KATNAL2: variants seen among roughly 807,000 people sequenced by gnomAD.
The protein encoded by KATNAL2 is katanin p60 ATPase-containing subunit A-like 2.
In KATNAL2, 52 loss-of-function variants were observed where a neutral mutation model predicts 76.3. The ratio of observed to expected loss-of-function variants is 0.68; its 90% CI spans 0.55 to 0.86. The LOEUF (loss-of-function observed/expected upper bound fraction) is 0.86. Among genes scored for constraint, KATNAL2 ranks in the 40% least tolerant of loss-of-function variants. The pLI, the probability that KATNAL2 is intolerant of heterozygous loss-of-function variation, is 0.00. For missense variants in KATNAL2, 660 were observed against 668.9 expected, an observed-to-expected ratio of 0.99 and a Z score of 0.15; for synonymous variants, 243 against 244.2, an observed-to-expected ratio of 1.00 and a Z score of 0.05.
At chr18:47,070,606 A>C (rs1234568200) in intron 13 of KATNAL2, among the ~76,000 whole-genome samples, 1 of 152,224 alleles carries the variant, frequency 6.6e-6, no homozygotes, top group African/African-American at 2.4e-5. Flanking sequence ...AATCAATATA[A>C]GTGAATATAA....
At chr18:47,042,499 A>G (rs560871777) in intron 3 of KATNAL2, among the ~76,000 whole-genome samples, 1 of 152,386 alleles carries the variant, frequency 6.6e-6, no homozygotes, top group Admixed American at 6.5e-5. Context: ...AATATTGAGC[A>G]TAACTGAACC....
intron 4 of KATNAL2, among the ~76,000 whole-genome samples, chr18:47,049,963 T>C (rs553846507): frequency 1.9e-4 from 29 of 152,314 alleles, no homozygotes; most frequent in Middle Eastern, 3.4e-3. Context: ...GAACTTGTGG[T>C]CTCATGCAAT....
intron 15 of KATNAL2, chr18:47,091,062 A>C (rs1407003050): frequency 6.6e-6 from 1 of 152,232 alleles, no homozygotes; most frequent in Non-Finnish European, 1.5e-5. Flanking sequence ...TTAACTAGTG[A>C]AGGAATAAAC....
At chr18:47,033,178 T>G in intron 3 of KATNAL2, 2 of 1,614,056 alleles carry the variant, frequency 1.2e-6, no homozygotes, top group Non-Finnish European at 1.7e-6. Context: ...GCTGCTGCTG[T>G]CTCTGCCACC....
intron 15 of KATNAL2, among the ~76,000 whole-genome samples, chr18:47,086,312 CTTTT>C (rs530430116): frequency 1.3e-5 from 2 of 151,290 alleles, no homozygotes; most frequent in Non-Finnish European, 3.0e-5. Context: ...TGCCTGTAGG[CTTTT>C]TTTTTATTTG....
In KATNAL2 at chr18:47,058,278, C is replaced by T. The variant is rs767629580; in HGVS notation, c.376C>T (p.Gln126Ter). Residue 126 changes from glutamine (Q) to a stop codon, truncating the protein, a stop_gained, in exon 7 of 18, where the codon CAG becomes TAG. Transcript: ENST00000683218. LOFTEE classifies it high-confidence loss of function. Reference protein sequence around the residue: ...SCQNLPKINQQRPRSKTTAGK... With the variant: ...SCQNLPKINQ ...TCAAAATCTTCCCAAGATCAATCAGCAGAGGCCCCGGTCCAAAACCACAGC... is the reference window on the plus strand; with the variant it reads ...TCAAAATCTTCCCAAGATCAATCAGTAGAGGCCCCGGTCCAAAACCACAGC... 6.8e-6 allele frequency: 11 copies of T among 1,613,954 alleles called. No individual in the cohort carries two copies. In the Admixed American group the frequency reaches 1.3e-4, roughly 20 times the overall value.
chr18:47,052,788 T>C, intron 4 of KATNAL2, 92 bp from the exon 5 acceptor site: 1 of 1,002,832 alleles, frequency 1.0e-6, no homozygotes, highest in Non-Finnish European at 1.4e-6. Flanking sequence ...GGCTTACTTT[T>C]TGTATTGCAT....
At chr18:47,035,376 G>T in intron 3 of KATNAL2, 1 of 1,554,644 alleles carries the variant, frequency 6.4e-7, no homozygotes, top group South Asian at 1.2e-5. Context: ...GCCAGGCAGC[G>T]ACCTCGGGAT....
chr18:46,946,630 ATCTTCCC>A, intron 2 of KATNAL2, 84 bp downstream of exon 2: 1 of 895,730 alleles, frequency 1.1e-6, no homozygotes, highest in African/African-American at 1.8e-5. Flanking sequence ...TGCTCTAACA[ATCTTCCC>A]TCTTCGATCT....
At chr18:46,940,307 G>C (rs1194163839) in intron 1 of KATNAL2, among the ~76,000 whole-genome samples, 1 of 152,158 alleles carries the variant, frequency 6.6e-6, no homozygotes, top group Non-Finnish European at 1.5e-5. Flanking sequence ...ACACAGTGAT[G>C]GGGCAAAAAC....
intron 3 of KATNAL2, among the ~76,000 whole-genome samples, chr18:46,957,914 T>C (rs1599465328): frequency 6.6e-6 from 1 of 151,916 alleles, no homozygotes; most frequent in Non-Finnish European, 1.5e-5. Context: ...GCCAGGATGG[T>C]CTCCATCTCC....
chr18:46,940,466 A>G (rs2059215467), intron 1 of KATNAL2, among the ~76,000 whole-genome samples: 1 of 152,258 alleles, frequency 6.6e-6, no homozygotes, highest in African/African-American at 2.4e-5. Flanking sequence ...ACAGTGTTTA[A>G]AGAATGACAG....
chr18:47,084,459 C>CA (rs2062675674), intron 15 of KATNAL2: 1 of 696,274 alleles, frequency 1.4e-6, no homozygotes, highest in Non-Finnish European at 2.6e-6. Flanking sequence ...AAGCATTGTG[C>CA]AAAAAATGAG....
rs775240150 is a variant in KATNAL2, at chr18:47,058,315, G to T, written c.413G>T (p.Gly138Val). 6.2e-7 allele frequency: 1 copy of T among 1,613,940 alleles called. No individual in the cohort carries two copies. Among genetic ancestry groups the T allele is most frequent in the Non-Finnish European group, 8.5e-7 (1 of 1,179,856 alleles). Residue 138 changes from glycine (G) to valine (V), a missense_variant, in exon 7 of 18, where the codon GGG (glycine) becomes GTG (valine). Gly to Val is a moderately radical substitution (Grantham distance 109, BLOSUM62 -3). Transcript: ENST00000683218. ...TCCAAAACCACAGCGGGGAAGACAG[G>T]GGACACCAAATCGCTCAATAAGGAG... is the stretch of plus-strand genomic sequence containing the variant. Reference protein sequence around the residue: ...PRSKTTAGKTGDTKSLNKEHP... With the variant: ...PRSKTTAGKTVDTKSLNKEHP...
At chr18:46,940,035 T>C (rs1308967731) in intron 1 of KATNAL2, among the ~76,000 whole-genome samples, 1 of 152,222 alleles carries the variant, frequency 6.6e-6, no homozygotes, top group Non-Finnish European at 1.5e-5. Context: ...CCTTGTCTCA[T>C]TTAATCCCTA....
At chr18:46,933,333 G>A (rs1051960330) in intron 1 of KATNAL2, among the ~76,000 whole-genome samples, 1 of 152,200 alleles carries the variant, frequency 6.6e-6, no homozygotes, top group African/African-American at 2.4e-5. Flanking sequence ...GACAAACTGA[G>A]TTGTGATTTT....
chr18:47,039,637 T>C lies in KATNAL2; in HGVS notation c.52-6820T>C, dbSNP rs75184450. Among the ~76,000 whole-genome samples, 788 of 152,336 alleles carry C rather than the reference T, an allele frequency of 5.2e-3. 1 individual carries two copies. Among genetic ancestry groups the C allele is most frequent in the South Asian group, 0.014 (66 of 4,824 alleles). ...AGAAATTCAGCCAAACCCAGTGCAG[T>C]GGATCCAGTACTGAGGAGCACACAG... On this transcript the variant is annotated intron_variant, in intron 3 of 17. Coordinates refer to ENST00000683218, the MANE Select transcript of KATNAL2 (RefSeq NM_001387690.1).
intron 1 of KATNAL2, among the ~76,000 whole-genome samples, chr18:46,942,359 G>C (rs1196566799): frequency 6.6e-6 from 1 of 152,166 alleles, no homozygotes; most frequent in Non-Finnish European, 1.5e-5. Flanking sequence ...GCTCACGCCT[G>C]TAATCCCAAC....
In KATNAL2 at chr18:47,067,121, T is replaced by C. The variant is rs751627555; in HGVS notation, c.825+2T>C. Reference sequence around the variant, plus strand: ...GAAGCTGTTGTGTATCCTATAAGGGTAAGGACGGGAAGCCTCTTGGGGGTT... The same window carrying C: ...GAAGCTGTTGTGTATCCTATAAGGGCAAGGACGGGAAGCCTCTTGGGGGTT... On this transcript the variant is annotated splice_donor_variant, in intron 11 of 17. Transcript: ENST00000683218. LOFTEE classifies it high-confidence loss of function. 10 of 1,518,004 alleles carry C rather than the reference T, an allele frequency of 6.6e-6. No individual in the cohort carries two copies. In the South Asian group the frequency reaches 1.2e-4, roughly 19 times the overall value. The allele number at this position is 1,518,004 out of a possible 1,614,324, so 94.0% of individuals were successfully genotyped here. A position where few individuals can be genotyped will look rare whatever the true frequency, so the allele number is the denominator to read the frequency against.
Sources: gnomAD v4.1 joint callset for allele counts (sites outside exome capture counted in the v4.1 genomes callset) on GRCh38, gnomAD v4.1.1 for gene constraint, MANE v1.5 for transcripts, NCBI Gene and HGNC (gene_info 2026-07-23, HGNC 2026-07-21) for gene names.